Variants in PRUNE2 observed in about 807,000 individuals in gnomAD.
PRUNE2 encodes the protein protein prune homolog 2.
In PRUNE2, 164 loss-of-function variants were observed where a neutral mutation model predicts 252.0. The ratio of observed to expected loss-of-function variants is 0.65; its 90% CI spans 0.57 to 0.74. PRUNE2 has a LOEUF of 0.74. Ranked by LOEUF, PRUNE2 falls within the 30% of genes least tolerant of loss-of-function variation. The pLI is 0.00. For synonymous variants in PRUNE2, 1,292 were observed against 1,350.2 expected, an observed-to-expected ratio of 0.96 and a Z score of 0.94; for missense variants, 3,495 against 3,711.0, an observed-to-expected ratio of 0.94 and a Z score of 1.51.
chr9:76,792,191 G>C (rs1204094896), intron 6 of PRUNE2, among the ~76,000 whole-genome samples: 1 of 152,040 alleles, frequency 6.6e-6, no homozygotes, highest in Admixed American at 6.6e-5. Context: ...CATGGGGGTG[G>C]CTCTTTCCCA....
chr9:76,718,348 C>T (rs1301503572), intron 6 of PRUNE2, among the ~76,000 whole-genome samples: 7 of 152,174 alleles, frequency 4.6e-5, no homozygotes, highest in Non-Finnish European at 8.8e-5. Context: ...CTCACACATG[C>T]TCACCTTCTG....
chr9:76,814,772 T>C (rs2057576599), intron 6 of PRUNE2, among the ~76,000 whole-genome samples: 1 of 152,220 alleles, frequency 6.6e-6, no homozygotes, highest in Non-Finnish European at 1.5e-5. Context: ...TTATGAATAA[T>C]ATATGTCCAC....
chr9:76,879,492 C>T (rs770108059), intron 1 of PRUNE2, among the ~76,000 whole-genome samples: 1 of 152,046 alleles, frequency 6.6e-6, no homozygotes, highest in Non-Finnish European at 1.5e-5. Flanking sequence ...ATTAAAACCT[C>T]TGCTTTTATG....
chr9:76,796,120 A>G (rs1357379171), intron 6 of PRUNE2, among the ~76,000 whole-genome samples: 1 of 152,250 alleles, frequency 6.6e-6, no homozygotes, highest in Admixed American at 6.5e-5. Flanking sequence ...TTTACAAAAG[A>G]TATATGATCA....
chr9:76,641,403 T>G (rs1029053835), intron 12 of PRUNE2, among the ~76,000 whole-genome samples: 2 of 152,202 alleles, frequency 1.3e-5, no homozygotes, highest in African/African-American at 4.8e-5. Flanking sequence ...GGGAGATATT[T>G]CAGGTAATAC....
intron 6 of PRUNE2, among the ~76,000 whole-genome samples, chr9:76,757,183 T>G (rs1249396250): frequency 1.3e-5 from 2 of 152,250 alleles, no homozygotes; most frequent in African/African-American, 2.4e-5. Flanking sequence ...CATTCATTTA[T>G]AATCATTTGG....
At chr9:76,634,023 G>T (rs1838890368) in intron 15 of PRUNE2, among the ~76,000 whole-genome samples, 1 of 151,908 alleles carries the variant, frequency 6.6e-6, no homozygotes, top group Non-Finnish European at 1.5e-5. Context: ...GAGGTGGGAG[G>T]ATTGCTTGAT....
At chr9:76,829,586 T>C (rs1017222225) in intron 4 of PRUNE2, among the ~76,000 whole-genome samples, 2 of 152,128 alleles carry the variant, frequency 1.3e-5, no homozygotes, top group Admixed American at 6.5e-5. Flanking sequence ...TTGACAGAGT[T>C]GAGTAGTTTC....
rs762978540 is a variant in PRUNE2, at chr9:76,706,262, G to T, written c.6012C>A (p.Tyr2004Ter). The T allele has an allele frequency of 6.2e-7, 1 of 1,613,966 alleles. No homozygotes were observed. Among genetic ancestry groups the T allele is most frequent in the Non-Finnish European group, 8.5e-7 (1 of 1,179,890 alleles). The change falls in exon 8 of 19, where the codon TAC becomes TAA. Residue 2004 changes from tyrosine to a stop codon, truncating the protein, a stop_gained. Coordinates refer to ENST00000376718, the MANE Select transcript of PRUNE2 (RefSeq NM_015225.3). LOFTEE classifies it high-confidence loss of function. ...TGCTTGAATTTGTCATCTCACCTAG[G>T]TATGATTTTTCTTGTTCCCACTGAT... ...ETNQWEQEKSYLGEMTNSSIA... is the reference protein window; with the variant it reads ...ETNQWEQEKS
intron 6 of PRUNE2, among the ~76,000 whole-genome samples, chr9:76,763,762 G>T (rs1362381855): frequency 6.6e-6 from 1 of 152,122 alleles, no homozygotes; most frequent in African/African-American, 2.4e-5. Flanking sequence ...GAGAAGGAGA[G>T]GGGTAGTGGG....
intron 6 of PRUNE2, among the ~76,000 whole-genome samples, chr9:76,719,805 C>T (rs1404633340): frequency 6.6e-6 from 1 of 151,902 alleles, no homozygotes; most frequent in Admixed American, 6.6e-5. Context: ...CACCACCATG[C>T]CCAGCTAATT....
At chr9:76,741,256 T>C (rs2049594032) in intron 6 of PRUNE2, among the ~76,000 whole-genome samples, 1 of 152,246 alleles carries the variant, frequency 6.6e-6, no homozygotes, top group Non-Finnish European at 1.5e-5. Context: ...GTGATTTTTC[T>C]CTAACCAAAT....
Position 76,625,624 on chromosome 9 carries a change from A to AG in PRUNE2, c.9150-1135_9150-1134insC, listed in dbSNP as rs1486503557. Among the ~76,000 whole-genome samples, 8 of 152,356 alleles carry AG rather than the reference A, an allele frequency of 5.3e-5. No individual in the cohort carries two copies. In the East Asian group the frequency reaches 1.5e-3, roughly 29 times the overall value. ...CATTATTTGCAGATTCTATATTTGTAAATTTGCCTCTTCACTAGCATGTAT... is the reference window on the plus strand; with the variant it reads ...CATTATTTGCAGATTCTATATTTGTAGAATTTGCCTCTTCACTAGCATGTAT... On this transcript the variant is annotated intron_variant, in intron 16 of 18. Coordinates refer to ENST00000376718, the MANE Select transcript of PRUNE2 (RefSeq NM_015225.3).
intron 9 of PRUNE2, among the ~76,000 whole-genome samples, chr9:76,683,685 T>G (rs562679004): frequency 6.6e-6 from 1 of 152,264 alleles, no homozygotes; most frequent in African/African-American, 2.4e-5. Flanking sequence ...TTCATATATT[T>G]GTTGGATGAA....
At chr9:76,873,204 A>G (rs1344776911) in intron 1 of PRUNE2, among the ~76,000 whole-genome samples, 2 of 152,258 alleles carry the variant, frequency 1.3e-5, no homozygotes, top group East Asian at 3.9e-4. Flanking sequence ...TCTGTTGTTT[A>G]AGCCACTCCA....
rs762495233 is a variant in PRUNE2, at chr9:76,624,511, G to C, written c.9150-21C>G. On this transcript the variant is annotated intron_variant, in intron 16 of 18. Transcript: ENST00000376718. ...CCAGTCTGCAGGAGCAAAAATTATTGGTGTGGAAAAGAAACAAAAGAGAAG... is the reference window on the plus strand; with the variant it reads ...CCAGTCTGCAGGAGCAAAAATTATTCGTGTGGAAAAGAAACAAAAGAGAAG... 16 of 1,394,130 alleles carry C rather than the reference G, an allele frequency of 1.1e-5. No homozygotes were observed. In the South Asian group the frequency reaches 3.0e-4, roughly 27 times the overall value. 86.4% of individuals were successfully genotyped at this position (1,394,130 alleles called of 1,614,324 possible).
intron 1 of PRUNE2, among the ~76,000 whole-genome samples, chr9:76,891,818 G>A (rs551925121): frequency 6.6e-6 from 1 of 152,294 alleles, no homozygotes; most frequent in South Asian, 2.1e-4. Flanking sequence ...TACTGGCTGT[G>A]TGTCTCTGGG....
intron 1 of PRUNE2, among the ~76,000 whole-genome samples, chr9:76,884,103 T>C (rs115010393): frequency 6.6e-6 from 1 of 152,282 alleles, no homozygotes; most frequent in African/African-American, 2.4e-5. Flanking sequence ...TCCATTTGCC[T>C]ATTCTGGTTG....
At chr9:76,661,297 C>A (rs1454140324) in intron 9 of PRUNE2, among the ~76,000 whole-genome samples, 1 of 152,170 alleles carries the variant, frequency 6.6e-6, no homozygotes, top group East Asian at 1.9e-4. Context: ...GGCTGGAGTA[C>A]AGTGGTGCAA....
Sources: gnomAD v4.1 joint callset for allele counts (sites outside exome capture counted in the v4.1 genomes callset) on GRCh38, gnomAD v4.1.1 for gene constraint, MANE v1.5 for transcripts, NCBI Gene and HGNC (gene_info 2026-07-23, HGNC 2026-07-21) for gene names.